Variants in RBM17 observed in about 807,000 individuals in gnomAD.
RBM17 encodes splicing factor 45.
A neutral mutation model predicts 53.2 loss-of-function variants in RBM17; 7 were observed. The observed-to-expected ratio is 0.13, with a 90% confidence interval of 0.07 to 0.25. The LOEUF (loss-of-function observed/expected upper bound fraction) is 0.25, where lower values mean the gene tolerates loss of function less well. Among genes scored for constraint, RBM17 ranks in the 10% least tolerant of loss-of-function variants. The pLI is 1.00. For synonymous variants in RBM17, 167 were observed against 178.1 expected, an observed-to-expected ratio of 0.94 and a Z score of 0.50; for missense variants, 257 against 496.7, an observed-to-expected ratio of 0.52 and a Z score of 4.59.
At chr10:6,115,054 T>C in intron 10 of RBM17, 185 bp from the exon 11 acceptor site, 1 of 595,274 alleles carries the variant, frequency 1.7e-6, no homozygotes. Flanking sequence ...ATGCCTGTCA[T>C]AAAAACAGGC....
intron 7 of RBM17, among the ~76,000 whole-genome samples, chr10:6,111,246 C>T (rs1046279040): frequency 6.6e-6 from 1 of 152,240 alleles, no homozygotes; most frequent in Non-Finnish European, 1.5e-5. Context: ...TGCTGCGCCT[C>T]AGAGCGCAGT....
In RBM17 at chr10:6,115,894, A is replaced by T. The variant is rs966432596; in HGVS notation, c.*338A>T. 6 of 151,490 alleles carry T rather than the reference A, an allele frequency of 4.0e-5. No homozygotes were observed. In the East Asian group the frequency reaches 1.0e-3, roughly 26 times the overall value. The allele number at this position is 151,490 out of a possible 1,614,324, so 9.4% of individuals were successfully genotyped here. ...CACTAAAAAAAAAAAAAAAAAAAAA[A>T]CTAGAAAGTTTTGGGACATGGGGTT... is the stretch of plus-strand genomic sequence containing the variant. On this transcript the variant is annotated 3_prime_UTR_variant, in exon 12 of 12. Coordinates refer to ENST00000379888, the MANE Select transcript of RBM17 (RefSeq NM_032905.5).
At chr10:6,100,452 C>G (rs528554968) in intron 2 of RBM17, among the ~76,000 whole-genome samples, 1 of 152,244 alleles carries the variant, frequency 6.6e-6, no homozygotes, top group South Asian at 2.1e-4. Flanking sequence ...CTCCAGGTTT[C>G]AGGAATTACA....
chr10:6,106,481 G>C, intron 5 of RBM17: 1 of 396,480 alleles, frequency 2.5e-6, no homozygotes, highest in Non-Finnish European at 4.7e-6. Context: ...TTTGGGACTA[G>C]CTTAAAATCT....
chr10:6,105,066 G>A lies in RBM17; in HGVS notation c.376G>A (p.Glu126Lys). ...GGAACGACAGAGACAGCGGGAGCTGGAAAGACAAAAGGAAATAGAAGAAAG... is the reference window on the plus strand; with the variant it reads ...GGAACGACAGAGACAGCGGGAGCTGAAAAGACAAAAGGAAATAGAAGAAAG... ...REERQRQREL[E>K]RQKEIEEREK... Residue 126 changes from glutamate (E) to lysine (K), a missense_variant, in exon 4 of 12, where the codon GAA becomes AAA. This residue lies in a region of RBM17 where 127 missense variants were observed against 217.2 expected (regional missense o/e 0.58). Transcript: ENST00000379888. The A allele has an allele frequency of 1.2e-6, 2 of 1,613,978 alleles. No homozygotes were observed. Among genetic ancestry groups the A allele is most frequent in the Non-Finnish European group, 1.7e-6 (2 of 1,179,894 alleles).
intron 1 of RBM17, chr10:6,090,095 G>A (rs1840460731): frequency 6.6e-6 from 1 of 152,300 alleles, no homozygotes; most frequent in Non-Finnish European, 1.5e-5. Flanking sequence ...AGAAAGGTTT[G>A]AGGAGGGGCT....
intron 4 of RBM17, 25 bp downstream of exon 4, chr10:6,105,122 A>G (rs374030726): frequency 3.6e-5 from 58 of 1,606,326 alleles, no homozygotes; most frequent in Non-Finnish European, 4.9e-5. Context: ...GGATTTGGGG[A>G]TATTTTACAG....
chr10:6,104,702 A>G (rs1430159711), intron 3 of RBM17, among the ~76,000 whole-genome samples: 1 of 152,230 alleles, frequency 6.6e-6, no homozygotes, highest in Admixed American at 6.5e-5. Flanking sequence ...GCCATAGAGT[A>G]TTATAGAAAT....
chr10:6,114,870 C>T (rs762599654), intron 10 of RBM17: 10 of 204,574 alleles, frequency 4.9e-5, no homozygotes, highest in Non-Finnish European at 8.8e-5. Context: ...AAAATGAGAC[C>T]TGATGTGAAA....
At chr10:6,105,145 T>C (rs768694031) in intron 4 of RBM17, 48 bp downstream of exon 4, 2 of 1,571,580 alleles carry the variant, frequency 1.3e-6, no homozygotes, top group South Asian at 2.3e-5. Flanking sequence ...GAAATGTTCA[T>C]TAAAATGTTA....
At chr10:6,108,488 G>C in intron 5 of RBM17, 198 bp from the exon 6 acceptor site, 1 of 493,154 alleles carries the variant, frequency 2.0e-6, no homozygotes, top group South Asian at 3.6e-5. Flanking sequence ...ATATCTGAGG[G>C]AGTGTTGCCA....
At chr10:6,108,193 T>C (rs866107895) in intron 5 of RBM17, among the ~76,000 whole-genome samples, 20 of 152,188 alleles carry the variant, frequency 1.3e-4, no homozygotes, top group Admixed American at 5.2e-4. Flanking sequence ...GGGGGAGATA[T>C]GGCAACGCAG....
At chr10:6,091,692 A>G (rs1227644662) in intron 1 of RBM17, among the ~76,000 whole-genome samples, 1 of 152,218 alleles carries the variant, frequency 6.6e-6, no homozygotes, top group Non-Finnish European at 1.5e-5. Flanking sequence ...CCACTTAACA[A>G]TGTTCAAGCA....
At chr10:6,106,598 T>G (rs537116503) in intron 5 of RBM17, among the ~76,000 whole-genome samples, 2 of 152,362 alleles carry the variant, frequency 1.3e-5, no homozygotes, top group East Asian at 1.9e-4. Flanking sequence ...TGTGTCTGTT[T>G]TGGGCATTGT....
chr10:6,092,985 G>A (rs975682553), intron 1 of RBM17, among the ~76,000 whole-genome samples: 2 of 152,182 alleles, frequency 1.3e-5, no homozygotes, highest in African/African-American at 4.8e-5. Context: ...GAGATGTGTG[G>A]TCTCATAAAA....
At chr10:6,096,781 C>T in intron 1 of RBM17, 1 of 204,010 alleles carries the variant, frequency 4.9e-6, no homozygotes, top group Non-Finnish European at 9.9e-6. Context: ...ATTATGTGCC[C>T]TAGCATTGAA....
intron 7 of RBM17, among the ~76,000 whole-genome samples, chr10:6,111,607 TG>T (rs1840838532): frequency 6.6e-6 from 1 of 152,258 alleles, no homozygotes; most frequent in Non-Finnish European, 1.5e-5. Context: ...CCCAAAGTGC[TG>T]GGATTATAAG....
Position 6,096,948 on chromosome 10 carries a change from C to T in RBM17, c.-18-100C>T, listed in dbSNP as rs1018859247. On this transcript the variant is annotated intron_variant, in intron 1 of 11. Coordinates refer to ENST00000379888, the MANE Select transcript of RBM17 (RefSeq NM_032905.5). ...GCCTGGGCCTCTGTTGCTGAAAGGT[C>T]CTGGACCTTTTACCTCTAAAATTTC... 3 of 1,136,198 alleles carry T rather than the reference C, an allele frequency of 2.6e-6. No homozygotes were observed. The African/African-American group carries it at 4.7e-5, about 18-fold the overall frequency. 70.4% of individuals were successfully genotyped at this position (1,136,198 alleles called of 1,614,324 possible). A position where few individuals can be genotyped will look rare whatever the true frequency, so the allele number is the denominator to read the frequency against.
Position 6,111,488 on chromosome 10 carries a change from C to T in RBM17, c.705-722C>T, listed in dbSNP as rs576148346. 4.6e-5 allele frequency among the ~76,000 whole-genome samples: 7 copies of T among 152,324 alleles called. No homozygotes were observed. The South Asian group carries it at 1.5e-3, about 32-fold the overall frequency. On this transcript the variant is annotated intron_variant, in intron 7 of 11. Transcript: ENST00000379888. ...CCAAGTAGCTGGGACTACAGGTGCA[C>T]ACCATCATGCCCAGCTAATTTTTAC...
Sources: allele counts gnomAD v4.1 joint callset (sites outside exome capture counted in the v4.1 genomes callset), GRCh38; gene constraint gnomAD v4.1.1; regional missense constraint gnomAD v4.1.1; transcripts MANE v1.5; gene names NCBI Gene and HGNC (gene_info 2026-07-23, HGNC 2026-07-21).